The following PRKD1 variants were observed in gnomAD, a reference collection of about 807,000 sequenced individuals.
PRKD1 encodes the protein serine/threonine-protein kinase D1.
A neutral mutation model predicts 95.9 loss-of-function variants in PRKD1; 63 were observed. The observed-to-expected ratio is 0.66, with a 90% CI of 0.54 to 0.81. The LOEUF (loss-of-function observed/expected upper bound fraction) is 0.81. Among genes scored for constraint, PRKD1 ranks in the 30% least tolerant of loss-of-function variants. PRKD1 has a pLI of 0.00. For missense variants in PRKD1, 1,048 were observed against 1,165.3 expected (o/e 0.90, Z 1.47); for synonymous variants, 425 against 423.1 (o/e 1.00, Z -0.05).
intron 2 of PRKD1, among the ~76,000 whole-genome samples, chr14:29,686,253 G>A (rs539772171): frequency 5.9e-5 from 9 of 152,170 alleles, no homozygotes; most frequent in African/African-American, 2.2e-4. Flanking sequence ...TACATTTGAC[G>A]TGCCCGATTC....
intron 1 of PRKD1, among the ~76,000 whole-genome samples, chr14:29,755,112 G>C (rs1301942168): frequency 6.6e-6 from 1 of 151,956 alleles, no homozygotes; most frequent in Non-Finnish European, 1.5e-5. Flanking sequence ...ATTTCTAAAA[G>C]TTGATCTTGG....
intron 2 of PRKD1, among the ~76,000 whole-genome samples, chr14:29,666,738 T>C (rs1423803213): frequency 2.0e-5 from 3 of 152,060 alleles, no homozygotes; most frequent in African/African-American, 7.2e-5. Flanking sequence ...GTCTGAACTC[T>C]TGGGCAATGT....
At chr14:29,843,462 C>CA (rs748924422) in intron 1 of PRKD1, among the ~76,000 whole-genome samples, 32 of 151,950 alleles carry the variant, frequency 2.1e-4, no homozygotes, top group South Asian at 2.1e-4. Flanking sequence ...CAGATATTGA[C>CA]AAAAAAACAG....
At chr14:29,641,383 T>C (rs180843170) in intron 4 of PRKD1, among the ~76,000 whole-genome samples, 19 of 152,340 alleles carry the variant, frequency 1.2e-4, no homozygotes, top group African/African-American at 4.6e-4. Flanking sequence ...ATTTTCAATA[T>C]GGCCCATATT....
intron 1 of PRKD1, among the ~76,000 whole-genome samples, chr14:29,884,610 C>T (rs1304441352): frequency 6.6e-6 from 1 of 151,986 alleles, no homozygotes; most frequent in Non-Finnish European, 1.5e-5. Flanking sequence ...CTATTTGCCC[C>T]AAAGACAAAT....
At chr14:29,762,115 A>C (rs1025760448) in intron 1 of PRKD1, among the ~76,000 whole-genome samples, 1 of 152,124 alleles carries the variant, frequency 6.6e-6, no homozygotes, top group African/African-American at 2.4e-5. Context: ...GGGGAAGAAG[A>C]GGTGCTACAA....
At chr14:29,848,052 A>G (rs1272243024) in intron 1 of PRKD1, among the ~76,000 whole-genome samples, 3 of 152,188 alleles carry the variant, frequency 2.0e-5, no homozygotes, top group Non-Finnish European at 4.4e-5. Context: ...TTGGATGGTC[A>G]ATGAGGGTTA....
intron 1 of PRKD1, among the ~76,000 whole-genome samples, chr14:29,830,948 G>T (rs1403674588): frequency 6.6e-6 from 1 of 152,176 alleles, no homozygotes; most frequent in Non-Finnish European, 1.5e-5. Context: ...GCCTCCCAAA[G>T]TGTTGGGTTT....
In PRKD1 at chr14:29,625,576, C is replaced by T. The variant is rs1334133601; in HGVS notation, c.1798+908G>A. Reference sequence around the variant, plus strand: ...TGCATGCAACTATTATACTGTAGAGCAGTAATCAAACATTTGGTCCCCTCT... The same window carrying T: ...TGCATGCAACTATTATACTGTAGAGTAGTAATCAAACATTTGGTCCCCTCT... On this transcript the variant is annotated intron_variant, in intron 12 of 17. Transcript: ENST00000331968. Among the ~76,000 whole-genome samples, 4 of 152,206 alleles carry T rather than the reference C, an allele frequency of 2.6e-5. No individual in the cohort carries two copies. In the East Asian group the frequency reaches 7.7e-4, roughly 29 times the overall value.
intron 1 of PRKD1, among the ~76,000 whole-genome samples, chr14:29,820,853 T>C (rs1269366147): frequency 6.6e-6 from 1 of 152,152 alleles, no homozygotes; most frequent in African/African-American, 2.4e-5. Flanking sequence ...AGAGCTTGAA[T>C]TGAGACAACA....
intron 16 of PRKD1, among the ~76,000 whole-genome samples, chr14:29,581,761 G>A (rs1892763679): frequency 6.6e-6 from 1 of 152,132 alleles, no homozygotes; most frequent in Non-Finnish European, 1.5e-5. Context: ...TGTGACCATA[G>A]CTCTGCCTCA....
chr14:29,818,448 A>T (rs1339760877), intron 1 of PRKD1, among the ~76,000 whole-genome samples: 3 of 152,148 alleles, frequency 2.0e-5, no homozygotes, highest in African/African-American at 7.2e-5. Flanking sequence ...TTCTGTAAGG[A>T]ATTAATTTTT....
chr14:29,753,180 A>C (rs2139465488), intron 1 of PRKD1, among the ~76,000 whole-genome samples: 1 of 152,312 alleles, frequency 6.6e-6, no homozygotes, highest in South Asian at 2.1e-4. Context: ...ACAGACAAAG[A>C]GAAAGAAACA....
chr14:29,791,257 A>G (rs1000860798), intron 1 of PRKD1, among the ~76,000 whole-genome samples: 7 of 152,186 alleles, frequency 4.6e-5, no homozygotes, highest in Non-Finnish European at 1.5e-5. Flanking sequence ...AACATGCATT[A>G]CAATTCCCAA....
intron 2 of PRKD1, among the ~76,000 whole-genome samples, chr14:29,676,546 G>T (rs1883233766): frequency 6.6e-6 from 1 of 152,126 alleles, no homozygotes; most frequent in Admixed American, 6.5e-5. Flanking sequence ...GTAGAGACGG[G>T]GTTTCACCAT....
chr14:29,781,680 A>G (rs886785967), intron 1 of PRKD1, among the ~76,000 whole-genome samples: 2 of 152,232 alleles, frequency 1.3e-5, no homozygotes, highest in African/African-American at 4.8e-5. Flanking sequence ...CAAAAGAATG[A>G]GAAATGTCTA....
intron 1 of PRKD1, among the ~76,000 whole-genome samples, chr14:29,733,303 C>T (rs1369073911): frequency 6.6e-6 from 1 of 151,776 alleles, no homozygotes; most frequent in Non-Finnish European, 1.5e-5. Context: ...GGGTTTTCAC[C>T]GTGTTAGCCA....
At chr14:29,882,207 ATTAG>A (rs1301090928) in intron 1 of PRKD1, among the ~76,000 whole-genome samples, 1 of 152,260 alleles carries the variant, frequency 6.6e-6, no homozygotes, top group Non-Finnish European at 1.5e-5. Flanking sequence ...ATTTCAGTAT[ATTAG>A]TTAGCTTTCA....
Position 29,626,391 on chromosome 14 carries a change from C to A in PRKD1, c.1798+93G>T, listed in dbSNP as rs199926923. 3.9e-6 allele frequency: 4 copies of A among 1,025,312 alleles called. No homozygotes were observed. In the East Asian group the frequency reaches 8.3e-5, roughly 21 times the overall value. The allele number at this position is 1,025,312 out of a possible 1,614,324, so 63.5% of individuals were successfully genotyped here. ...CACACAGAAATATATACACATAGGT[C>A]TTCTCTTCTATGTTTTTCCTGTAAA... is the stretch of plus-strand genomic sequence containing the variant. On this transcript the variant is annotated intron_variant, in intron 12 of 17. Transcript: ENST00000331968.
Sources: gnomAD v4.1 joint callset for allele counts (sites outside exome capture counted in the v4.1 genomes callset) on GRCh38, gnomAD v4.1.1 for gene constraint, MANE v1.5 for transcripts, NCBI Gene and HGNC (gene_info 2026-07-23, HGNC 2026-07-21) for gene names.